Variants in C8orf89 observed in about 807,000 individuals in gnomAD.
C8orf89 encodes the protein putative uncharacterized protein C8orf89.
In C8orf89, 14 loss-of-function variants were observed where a neutral mutation model predicts 15.8. That is an observed-to-expected ratio of 0.89 (90% CI 0.59 to 1.39). C8orf89 has a LOEUF of 1.39. C8orf89 is among the 40% of genes most tolerant of loss of function. C8orf89 has a pLI of 0.00. For synonymous variants in C8orf89, 55 were observed against 62.2 expected, an observed-to-expected ratio of 0.88 and a Z score of 0.54; for missense variants, 181 against 184.5, an observed-to-expected ratio of 0.98 and a Z score of 0.11.
chr8:73,250,841 T>C (rs1265396162), intron 2 of C8orf89, among the ~76,000 whole-genome samples: 1 of 152,114 alleles, frequency 6.6e-6, no homozygotes, highest in Non-Finnish European at 1.5e-5. Context: ...TCTCACTCGC[T>C]CCCAGGCTGG....
At position 73,241,502 on chromosome 8, in the gene C8orf89, G is replaced by A. The variant is rs545042212; in HGVS notation, c.441C>T (p.Thr147=). ...LEYDTIRQET[T]TKSKKSKKRD... ...GTTTCTTGCTTTTTTTTGATTTTGT[G>A]GTTGTTTCCTGACGAATGGTATCAT... The change falls in exon 4 of 4, where the codon ACC becomes ACT. Residue 147 remains threonine (T), a synonymous_variant. Transcript: ENST00000624510. The A allele has an allele frequency of 1.1e-5, 17 of 1,527,918 alleles. No homozygotes were observed. The South Asian group carries it at 1.8e-4, about 16-fold the overall frequency. 94.6% of individuals were successfully genotyped at this position (1,527,918 alleles called of 1,614,324 possible). A position where few individuals can be genotyped will look rare whatever the true frequency, so the allele number is the denominator to read the frequency against.
upstream of C8orf89, among the ~76,000 whole-genome samples, chr8:73,262,514 A>T (rs972287332): frequency 2.0e-5 from 3 of 152,142 alleles, no homozygotes; most frequent in African/African-American, 7.2e-5. Context: ...AAATAAAAAA[A>T]AATTTTTTTA....
chr8:73,263,617 T>A (rs114739716), upstream of C8orf89, among the ~76,000 whole-genome samples: 2,677 of 152,320 alleles, frequency 0.018, 77 homozygotes, highest in African/African-American at 0.059. Flanking sequence ...CACATATTTA[T>A]TATTCATCCA....
intron 2 of C8orf89, among the ~76,000 whole-genome samples, chr8:73,255,140 C>A (rs1005420165): frequency 6.6e-6 from 1 of 151,630 alleles, no homozygotes; most frequent in Non-Finnish European, 1.5e-5. Flanking sequence ...AACTAAAGAG[C>A]TTCTGCACAG....
intron 2 of C8orf89, among the ~76,000 whole-genome samples, chr8:73,250,938 G>A (rs1813233140): frequency 6.6e-6 from 1 of 151,660 alleles, no homozygotes; most frequent in African/African-American, 2.4e-5. Flanking sequence ...AGCTGGGATG[G>A]TAGCTGCATG....
intron 1 of C8orf89, among the ~76,000 whole-genome samples, chr8:73,258,141 G>T (rs981967292): frequency 6.6e-6 from 1 of 152,110 alleles, no homozygotes. Context: ...GCTGGGCGTG[G>T]TGGCTTACGC....
At chr8:73,254,709 C>G (rs983652913) in intron 2 of C8orf89, among the ~76,000 whole-genome samples, 1 of 152,124 alleles carries the variant, frequency 6.6e-6, no homozygotes, top group South Asian at 2.1e-4. Context: ...TCGCAGCAGA[C>G]ATCTGTGGGT....
At chr8:73,279,988 A>G in the C8orf89 span, among the ~76,000 whole-genome samples, 12 of 152,226 alleles carry the variant, frequency 7.9e-5, no homozygotes, top group Non-Finnish European at 1.5e-5. Context: ...GACATCCTGA[A>G]GCAGAGCCAA....
In C8orf89 at chr8:73,250,280, C is replaced by T; in HGVS notation, c.325G>A (p.Glu109Lys). 1 of 1,533,498 alleles carries T rather than the reference C, an allele frequency of 6.5e-7. No homozygotes were observed. The highest frequency in any genetic ancestry group is 1.2e-5 in the South Asian group (1 of 83,678). The allele number at this position is 1,533,498 out of a possible 1,614,324, so 95.0% of individuals were successfully genotyped here. A position where few individuals can be genotyped will look rare whatever the true frequency, so the allele number is the denominator to read the frequency against. Residue 109 changes from glutamate to lysine, a missense_variant, in exon 3 of 4, where the codon GAG (glutamate) becomes AAG (lysine). Transcript: ENST00000624510. ...CGAGTCAGCTTACCTTTTGATTTCT[C>T]CCAAAGTGGTGCCACACTGCATGTC... ...KETCSVAPLW[E>K]KSKGSGFSDP...
chr8:73,273,015 A>G, the C8orf89 span, among the ~76,000 whole-genome samples: 2 of 152,232 alleles, frequency 1.3e-5, no homozygotes, highest in Admixed American at 1.3e-4. Flanking sequence ...GAAAAAGGTA[A>G]GTAAAATCAG....
At chr8:73,276,311 G>A in the C8orf89 span, among the ~76,000 whole-genome samples, 1 of 151,692 alleles carries the variant, frequency 6.6e-6, no homozygotes, top group South Asian at 2.1e-4. Flanking sequence ...CAAGTAGCTG[G>A]GATCACAGGC....
chr8:73,244,679 G>A (rs1813084862), intron 3 of C8orf89, among the ~76,000 whole-genome samples: 2 of 152,094 alleles, frequency 1.3e-5, no homozygotes, highest in Non-Finnish European at 1.5e-5. Context: ...TGAGTGAGAA[G>A]TTCAGAGAGA....
chr8:73,261,759 G>A (rs777723232), upstream of C8orf89, among the ~76,000 whole-genome samples: 1 of 152,140 alleles, frequency 6.6e-6, no homozygotes, highest in Non-Finnish European at 1.5e-5. Flanking sequence ...ATTAGGAAAC[G>A]TAGTCAGGGA....
chr8:73,255,035 T>G (rs566352227), intron 2 of C8orf89, among the ~76,000 whole-genome samples: 1 of 152,102 alleles, frequency 6.6e-6, no homozygotes, highest in Admixed American at 6.5e-5. Context: ...ACCTAGGCAA[T>G]ACCATTCAGG....
At position 73,241,471 on chromosome 8, in the gene C8orf89, G is replaced by A; in HGVS notation, c.472C>T (p.Leu158Phe). The stretch of plus-strand genomic sequence containing the variant: ...TACGACATTTTTCAGCGGTCTCGGA[G>A]GTCTCGTTTCTTGCTTTTTTTTGAT... Reference protein sequence around the residue: ...TKSKKSKKRDLRDR With the variant: ...TKSKKSKKRDFRDR The change falls in exon 4 of 4, where the codon CTC (leucine) becomes TTC (phenylalanine). Residue 158 changes from leucine to phenylalanine, a missense_variant. Coordinates refer to ENST00000624510, the MANE Select transcript of C8orf89 (RefSeq NM_001243237.3). 6.5e-7 allele frequency: 1 copy of A among 1,528,906 alleles called. No individual in the cohort carries two copies. Among genetic ancestry groups the A allele is most frequent in the African/African-American group, 1.4e-5 (1 of 72,894 alleles). The allele number at this position is 1,528,906 out of a possible 1,614,324, so 94.7% of individuals were successfully genotyped here. A position where few individuals can be genotyped will look rare whatever the true frequency, so the allele number is the denominator to read the frequency against.
chr8:73,250,426 G>T, intron 2 of C8orf89, 103 bp from the exon 3 acceptor site: 1 of 686,790 alleles, frequency 1.5e-6, no homozygotes, highest in Non-Finnish European at 2.4e-6. Context: ...AAATGTTAAG[G>T]AAAGGAAAGT....
intron 3 of C8orf89, among the ~76,000 whole-genome samples, chr8:73,249,523 T>C (rs940669843): frequency 2.6e-5 from 4 of 152,180 alleles, no homozygotes; most frequent in Non-Finnish European, 4.4e-5. Flanking sequence ...TCTGGTAGAA[T>C]TCAGCTGTGA....
the C8orf89 span, chr8:73,277,980 C>T: frequency 1.6e-6 from 1 of 636,240 alleles, no homozygotes; most frequent in South Asian, 1.4e-5. Context: ...GCAGCAGCCC[C>T]CAGGGCTCTT....
chr8:73,284,336 CCTGAGTAGCTGGGACTA>C, the C8orf89 span, among the ~76,000 whole-genome samples: 1 of 150,262 alleles, frequency 6.7e-6, no homozygotes, highest in Non-Finnish European at 1.5e-5. Flanking sequence ...GCCTCAGCCT[CCTGAGTAGCTGGGACTA>C]CAGGCACGCG....
Sources: gnomAD v4.1 joint callset for allele counts (sites outside exome capture counted in the v4.1 genomes callset) on GRCh38, gnomAD v4.1.1 for gene constraint, MANE v1.5 for transcripts, NCBI Gene and HGNC (gene_info 2026-07-23, HGNC 2026-07-21) for gene names.